Variants in ADK observed in about 807,000 individuals in gnomAD.
The protein encoded by ADK is N6,N6-dimethyladenosine kinase.
ADK carries 24 observed loss-of-function variants against 44.7 expected under a neutral mutation model. That is an observed-to-expected ratio of 0.54 (90% confidence interval 0.39 to 0.76). The LOEUF (loss-of-function observed/expected upper bound fraction) is 0.76, where lower values mean the gene tolerates loss of function less well. Among genes scored for constraint, ADK ranks in the 30% least tolerant of loss-of-function variants. The pLI, the probability that ADK is intolerant of heterozygous loss-of-function variation, is 0.00. For missense variants in ADK, 321 were observed against 425.1 expected, an observed-to-expected ratio of 0.76 and a Z score of 2.15; for synonymous variants, 128 against 142.6, an observed-to-expected ratio of 0.90 and a Z score of 0.73.
At chr10:74,409,865 C>T (rs1844101647) in intron 6 of ADK, among the ~76,000 whole-genome samples, 1 of 152,152 alleles carries the variant, frequency 6.6e-6, no homozygotes, top group Admixed American at 6.5e-5. Context: ...CAAATGTTTA[C>T]ATTTTACATC....
At chr10:74,443,921 C>T (rs2133150871) in intron 6 of ADK, among the ~76,000 whole-genome samples, 1 of 152,174 alleles carries the variant, frequency 6.6e-6, no homozygotes, top group East Asian at 1.9e-4. Flanking sequence ...TTTAATCAAA[C>T]ACTGTGATAG....
intron 10 of ADK, among the ~76,000 whole-genome samples, chr10:74,692,474 T>C (rs4745752): frequency 0.7 from 105,826 of 151,916 alleles, 37,066 homozygotes; most frequent in Middle Eastern, 0.79. Context: ...AGCAAAACTC[T>C]GTCTCAAAAA....
At chr10:74,219,509 C>T (rs1203283738) in intron 2 of ADK, among the ~76,000 whole-genome samples, 2 of 152,068 alleles carry the variant, frequency 1.3e-5, no homozygotes, top group South Asian at 2.1e-4. Context: ...CAGCTCTGCA[C>T]CAAGCAGACC....
intron 6 of ADK, among the ~76,000 whole-genome samples, chr10:74,443,600 A>G (rs1343529127): frequency 6.6e-6 from 1 of 152,198 alleles, no homozygotes; most frequent in Non-Finnish European, 1.5e-5. Flanking sequence ...GAGTTAGACA[A>G]CTAATCTAAA....
At chr10:74,619,988 C>T (rs1202187241) in intron 9 of ADK, among the ~76,000 whole-genome samples, 1 of 152,148 alleles carries the variant, frequency 6.6e-6, no homozygotes, top group Non-Finnish European at 1.5e-5. Context: ...TCTCAAATTG[C>T]TGGGATTATG....
intron 2 of ADK, among the ~76,000 whole-genome samples, chr10:74,206,149 A>G (rs1406950156): frequency 1.3e-5 from 2 of 152,260 alleles, no homozygotes; most frequent in Non-Finnish European, 2.9e-5. Context: ...GAGCAACTTA[A>G]AAATTTGAAA....
chr10:74,694,407 G>T (rs920233295), intron 10 of ADK, among the ~76,000 whole-genome samples: 1 of 151,726 alleles, frequency 6.6e-6, no homozygotes, highest in African/African-American at 2.4e-5. Flanking sequence ...AAAAGAAAAA[G>T]AAACTTATTT....
At chr10:74,237,206 G>C (rs1296049309) in intron 3 of ADK, among the ~76,000 whole-genome samples, 1 of 152,152 alleles carries the variant, frequency 6.6e-6, no homozygotes, top group African/African-American at 2.4e-5. Flanking sequence ...ATCAACTTAA[G>C]TTTATGGAAT....
intron 7 of ADK, among the ~76,000 whole-genome samples, chr10:74,526,105 T>A (rs1398107702): frequency 1.3e-5 from 2 of 152,156 alleles, no homozygotes; most frequent in Non-Finnish European, 2.9e-5. Context: ...ATCACTTTTT[T>A]AAGTCTCTTC....
chr10:74,337,879 C>T (rs1027939039), intron 4 of ADK, among the ~76,000 whole-genome samples: 1 of 151,788 alleles, frequency 6.6e-6, no homozygotes, highest in African/African-American at 2.4e-5. Context: ...TGTCATGCCT[C>T]AGCCTCCCGA....
chr10:74,490,037 T>C (rs770012209), intron 6 of ADK, among the ~76,000 whole-genome samples: 6 of 151,908 alleles, frequency 3.9e-5, no homozygotes, highest in Non-Finnish European at 5.9e-5. Context: ...TTTGAAAGCA[T>C]TGGAGCATGT....
rs758772804 is a variant in ADK, at chr10:74,611,126, C to T, written c.877+10633C>T. ...CACTGCAACCTCAACCGGGCTCAAG[C>T]GATCCTCCCTTCCCAGCCTCCTAAG... On this transcript the variant is annotated intron_variant, in intron 9 of 10. Transcript: ENST00000539909. 4.6e-5 allele frequency among the ~76,000 whole-genome samples: 7 copies of T among 152,044 alleles called. 1 individual carries two copies. The highest frequency in any genetic ancestry group is 1.3e-4 in the Admixed American group (2 of 15,246).
chr10:74,391,690 C>CAT (rs1413706128), intron 4 of ADK, among the ~76,000 whole-genome samples: 1 of 150,962 alleles, frequency 6.6e-6, no homozygotes, highest in East Asian at 1.9e-4. Context: ...CACACACACA[C>CAT]ACACACATTC....
At chr10:74,276,142 G>C (rs1327430317) in intron 3 of ADK, among the ~76,000 whole-genome samples, 1 of 152,102 alleles carries the variant, frequency 6.6e-6, no homozygotes, top group Admixed American at 6.5e-5. Context: ...TTGCACGTGC[G>C]CTCAGCTCTT....
At chr10:74,487,729 G>A (rs1231314508) in intron 6 of ADK, among the ~76,000 whole-genome samples, 1 of 151,766 alleles carries the variant, frequency 6.6e-6, no homozygotes, top group Non-Finnish European at 1.5e-5. Context: ...GAGCTTTTGG[G>A]GAAGACATCA....
intron 4 of ADK, among the ~76,000 whole-genome samples, chr10:74,339,437 T>TA (rs763410310): frequency 6.6e-6 from 1 of 152,242 alleles, no homozygotes; most frequent in Non-Finnish European, 1.5e-5. Context: ...GACATAAACA[T>TA]ACAGATTCCT....
At chr10:74,522,751 A>G (rs756505860) in intron 6 of ADK, among the ~76,000 whole-genome samples, 25 of 152,058 alleles carry the variant, frequency 1.6e-4, no homozygotes, top group Non-Finnish European at 3.1e-4. Flanking sequence ...AGTTTCTTTT[A>G]TATTTTCAAG....
chr10:74,276,145 C>T (rs998770420), intron 3 of ADK, among the ~76,000 whole-genome samples: 1 of 152,176 alleles, frequency 6.6e-6, no homozygotes, highest in African/African-American at 2.4e-5. Context: ...CACGTGCGCT[C>T]AGCTCTTCTC....
chr10:74,590,519 A>C (rs1055448460), intron 8 of ADK, among the ~76,000 whole-genome samples: 1 of 152,188 alleles, frequency 6.6e-6, no homozygotes, highest in Non-Finnish European at 1.5e-5. Context: ...GACAAGGAAC[A>C]TGTGATACAG....
Sources: gnomAD v4.1 joint callset for allele counts (sites outside exome capture counted in the v4.1 genomes callset) on GRCh38, gnomAD v4.1.1 for gene constraint, MANE v1.5 for transcripts, NCBI Gene and HGNC (gene_info 2026-07-23, HGNC 2026-07-21) for gene names.